Variants in WDR5 observed in about 807,000 individuals in gnomAD.
The protein encoded by WDR5 is WD repeat-containing protein 5.
For missense variants in WDR5, 187 were observed against 416.9 expected (o/e 0.45, Z 4.80); for synonymous variants, 144 against 161.6 (o/e 0.89, Z 0.83).
At position 134,136,432 on chromosome 9, in the gene WDR5, C is replaced by T. The variant is rs578101877; in HGVS notation, c.-59+232C>T. ...CCCGGTCCGCCCCCACTCGCGCCCC[C>T]ACCTCCGCCTCCCCGGCGGACCGCT... is the stretch of plus-strand genomic sequence containing the variant. On this transcript the variant is annotated intron_variant, in intron 1 of 13. Coordinates refer to ENST00000358625, the MANE Select transcript of WDR5 (RefSeq NM_017588.3). Among the ~76,000 whole-genome samples, 60 of 152,002 alleles carry T rather than the reference C, an allele frequency of 3.9e-4. No homozygotes were observed. In the East Asian group the frequency reaches 8.9e-3, roughly 23 times the overall value.
At chr9:134,139,778 T>C (rs1333528389) in intron 1 of WDR5, 42 bp from the exon 2 acceptor site, 7 of 1,259,830 alleles carry the variant, frequency 5.6e-6, no homozygotes, top group Non-Finnish European at 7.9e-6. Flanking sequence ...TTTTAAAATA[T>C]AGTTTGTTTC....
intron 7 of WDR5, among the ~76,000 whole-genome samples, chr9:134,145,431 C>G (rs1832142877): frequency 6.6e-6 from 1 of 152,146 alleles, no homozygotes. Flanking sequence ...CACATCTATG[C>G]CCTTGGATTG....
chr9:134,155,049 C>A (rs1431304180), intron 10 of WDR5, among the ~76,000 whole-genome samples: 1 of 152,214 alleles, frequency 6.6e-6, no homozygotes, highest in African/African-American at 2.4e-5. Flanking sequence ...AGAGGACTTC[C>A]TCACCCTTTT....
At chr9:134,153,116 T>C (rs1305062073) in intron 9 of WDR5, among the ~76,000 whole-genome samples, 1 of 152,164 alleles carries the variant, frequency 6.6e-6, no homozygotes, top group Non-Finnish European at 1.5e-5. Flanking sequence ...TCTCTCCTGA[T>C]TGAGATCACA....
chr9:134,144,922 G>C (rs1564191196), intron 7 of WDR5, among the ~76,000 whole-genome samples: 4 of 152,050 alleles, frequency 2.6e-5, no homozygotes, highest in Non-Finnish European at 5.9e-5. Flanking sequence ...AGGAGGTGGA[G>C]TCGGTCCCTC....
chr9:134,155,628 C>A, intron 11 of WDR5, 65 bp from the exon 12 acceptor site: 1 of 1,536,808 alleles, frequency 6.5e-7, no homozygotes. Flanking sequence ...TTGCTTAGAA[C>A]GTAGAATTAC....
chr9:134,153,580 C>T lies in WDR5; in HGVS notation c.632-886C>T, dbSNP rs577606459. Reference sequence around the variant, plus strand: ...CGTGGTGTGCCCCTGAGGGAGGGACCGCATGGCCTCACAGCGTCTCCCGTG... The same window carrying T: ...CGTGGTGTGCCCCTGAGGGAGGGACTGCATGGCCTCACAGCGTCTCCCGTG... On this transcript the variant is annotated intron_variant, in intron 9 of 13. Coordinates refer to ENST00000358625, the MANE Select transcript of WDR5 (RefSeq NM_017588.3). 2.2e-4 allele frequency among the ~76,000 whole-genome samples: 33 copies of T among 152,364 alleles called. No homozygotes were observed. In the South Asian group the frequency reaches 3.3e-3, roughly 15 times the overall value.
At chr9:134,137,570 G>C (rs1831630386) in intron 1 of WDR5, among the ~76,000 whole-genome samples, 1 of 150,300 alleles carries the variant, frequency 6.7e-6, no homozygotes, top group Non-Finnish European at 1.5e-5. Flanking sequence ...TGTAATCCCG[G>C]CTAAACTGGA....
chr9:134,152,165 T>G (rs1007837463), intron 9 of WDR5, 136 bp downstream of exon 9: 1 of 1,015,206 alleles, frequency 9.9e-7, no homozygotes, highest in Non-Finnish European at 1.4e-6. Context: ...TTCCTCCGTG[T>G]CCGACCGTTC....
intron 12 of WDR5, 64 bp from the exon 13 acceptor site, chr9:134,156,442 T>C: frequency 6.6e-7 from 1 of 1,517,354 alleles, no homozygotes; most frequent in East Asian, 2.3e-5. Flanking sequence ...ATTCTCTCCC[T>C]TTCACATGCA....
chr9:134,145,385 C>T (rs748801829), intron 7 of WDR5, among the ~76,000 whole-genome samples: 5 of 152,210 alleles, frequency 3.3e-5, no homozygotes, highest in East Asian at 1.9e-4. Flanking sequence ...AGGCGTGAGC[C>T]GCTGCGCCTG....
intron 1 of WDR5, among the ~76,000 whole-genome samples, chr9:134,138,033 T>C (rs1831668339): frequency 6.6e-6 from 1 of 152,222 alleles, no homozygotes; most frequent in Non-Finnish European, 1.5e-5. Context: ...TCAGCCACTG[T>C]GCCCAGCCAT....
intron 1 of WDR5, among the ~76,000 whole-genome samples, chr9:134,137,033 C>T (rs550511320): frequency 2.6e-5 from 4 of 152,318 alleles, no homozygotes; most frequent in East Asian, 1.9e-4. Context: ...GCCGGCCACC[C>T]GGCTGGTGTT....
At chr9:134,148,209 TTTGA>T in intron 7 of WDR5, 75 bp from the exon 8 acceptor site, 6 of 469,362 alleles carry the variant, frequency 1.3e-5, no homozygotes, top group East Asian at 4.7e-5. Context: ...TTTTTTTTTT[TTTGA>T]GATCAGGTAA....
intron 1 of WDR5, among the ~76,000 whole-genome samples, chr9:134,137,082 CT>C (rs1831601724): frequency 6.6e-6 from 1 of 152,158 alleles, no homozygotes; most frequent in Non-Finnish European, 1.5e-5. Context: ...ACACAGTATG[CT>C]TTTCTGACTG....
At position 134,152,905 on chromosome 9, in the gene WDR5, C is replaced by T. The variant is rs150901923; in HGVS notation, c.631+876C>T. Among the ~76,000 whole-genome samples, 8 of 152,286 alleles carry T rather than the reference C, an allele frequency of 5.3e-5. No homozygotes were observed. In the East Asian group the frequency reaches 1.5e-3, roughly 29 times the overall value. ...CTTACCCTGGCTTCACACCAGTGTC[C>T]CTGGTGCCTCCGTGTGTCCAAATGT... On this transcript the variant is annotated intron_variant, in intron 9 of 13. Transcript: ENST00000358625.
At chr9:134,151,828 G>A (rs954949832) in intron 8 of WDR5, among the ~76,000 whole-genome samples, 155 bp from the exon 9 acceptor site, 1 of 152,202 alleles carries the variant, frequency 6.6e-6, no homozygotes, top group East Asian at 1.9e-4. Context: ...TTTGTCCCTA[G>A]AATATAAGAG....
chr9:134,158,764 T>C lies in WDR5; in HGVS notation c.*771T>C, dbSNP rs28637300. On this transcript the variant is annotated 3_prime_UTR_variant, in exon 14 of 14. Transcript: ENST00000358625. The stretch of plus-strand genomic sequence containing the variant: ...GAAAGGCTCCCCTGGGGCAAGAGGG[T>C]GGAAGGTTTCTTTGGACAGGAGGTG... 0.077 allele frequency: 11,641 copies of C among 152,000 alleles called. 901 individuals carry two copies. The highest frequency in any genetic ancestry group is 0.2 in the African/African-American group (8,420 of 41,366). The allele number at this position is 152,000 out of a possible 1,614,324, so 9.4% of individuals were successfully genotyped here.
chr9:134,140,875 C>A (rs1213368651), intron 3 of WDR5, 64 bp downstream of exon 3: 11 of 1,496,508 alleles, frequency 7.4e-6, no homozygotes, highest in Non-Finnish European at 1.0e-5. Context: ...AAAAAGCTGG[C>A]GAGGGGATGG....
Sources: gnomAD v4.1 joint callset for allele counts (sites outside exome capture counted in the v4.1 genomes callset) on GRCh38, gnomAD v4.1.1 for gene constraint, MANE v1.5 for transcripts, NCBI Gene and HGNC (gene_info 2026-07-23, HGNC 2026-07-21) for gene names.